The following NKAIN3 variants were observed in gnomAD, a reference collection of about 807,000 sequenced individuals.
NKAIN3 encodes the protein sodium/potassium transporting ATPase interacting 3.
A neutral mutation model predicts 30.2 loss-of-function variants in NKAIN3; 25 were observed. The observed-to-expected ratio is 0.83, with a 90% CI of 0.60 to 1.16. NKAIN3 has a LOEUF of 1.16. NKAIN3 is among the 50% of genes most tolerant of loss of function. The probability of loss-of-function intolerance (pLI) is 0.00; values close to 1 mark genes in which losing one functional copy is unlikely to be tolerated. For missense variants in NKAIN3, 225 were observed against 254.1 expected, an observed-to-expected ratio of 0.89 and a Z score of 0.78; for synonymous variants, 91 against 89.6, an observed-to-expected ratio of 1.02 and a Z score of -0.09.
chr8:62,842,426 TC>T (rs1819561716), intron 4 of NKAIN3, among the ~76,000 whole-genome samples: 1 of 152,048 alleles, frequency 6.6e-6, no homozygotes, highest in Non-Finnish European at 1.5e-5. Flanking sequence ...TTATTAAAAT[TC>T]CCATACTACA....
chr8:62,303,300 G>T (rs1814116578), intron 1 of NKAIN3, among the ~76,000 whole-genome samples: 1 of 150,442 alleles, frequency 6.6e-6, no homozygotes, highest in African/African-American at 2.5e-5. Context: ...TCCTAAGGTT[G>T]TCACATGGCT....
At chr8:62,991,834 G>A (rs1024570624) in intron 5 of NKAIN3, among the ~76,000 whole-genome samples, 9 of 152,032 alleles carry the variant, frequency 5.9e-5, no homozygotes, top group African/African-American at 2.2e-4. Context: ...TGTCTTTAAG[G>A]GACAAAGTGT....
chr8:62,527,509 T>C (rs541668032), intron 1 of NKAIN3, among the ~76,000 whole-genome samples: 6 of 152,238 alleles, frequency 3.9e-5, no homozygotes, highest in Admixed American at 3.3e-4. Context: ...TTTTTTAAAT[T>C]TGTGACTGTT....
Position 62,965,339 on chromosome 8 carries a change from T to C in NKAIN3, c.604-15T>C. ...CTTTGAAGTTCTTGAAAGCAATTCG[T>C]ATTTTCTGTTTTAGGTCGAAATAAG... On this transcript the variant is annotated splice_polypyrimidine_tract_variant and intron_variant, in intron 6 of 6. Transcript: ENST00000623646. 2.0e-6 allele frequency: 2 copies of C among 985,832 alleles called. No individual in the cohort carries two copies. Among genetic ancestry groups the C allele is most frequent in the Non-Finnish European group, 2.4e-6 (2 of 829,888 alleles). 61.1% of individuals were successfully genotyped at this position (985,832 alleles called of 1,614,324 possible).
At chr8:62,262,182 C>T (rs1314438579) in intron 1 of NKAIN3, among the ~76,000 whole-genome samples, 12 of 152,134 alleles carry the variant, frequency 7.9e-5, no homozygotes, top group Admixed American at 5.9e-4. Context: ...CTCTGGGACA[C>T]GGCTTTTTCT....
intron 3 of NKAIN3, 103 bp downstream of exon 3, chr8:62,589,897 G>GTGTA: frequency 2.0e-6 from 1 of 500,560 alleles, no homozygotes; most frequent in Admixed American, 3.3e-5. Flanking sequence ...GTGTGTGTGT[G>GTGTA]TGTGTGTGTG....
chr8:62,616,506 T>C lies in NKAIN3; in HGVS notation c.273+26712T>C, dbSNP rs1029882307. Among the ~76,000 whole-genome samples the C allele has an allele frequency of 2.6e-5, 4 of 152,300 alleles. No homozygotes were observed. The South Asian group carries it at 8.3e-4, about 32-fold the overall frequency. ...ACAAGATATGAGGGCGAGGTTTCCA[T>C]GCCCTCTTGCCAGTGTACCACGGGC... On this transcript the variant is annotated intron_variant, in intron 3 of 6. Coordinates refer to ENST00000623646, the MANE Select transcript of NKAIN3 (RefSeq NM_001304533.3).
chr8:62,906,921 T>A (rs1384739843), intron 4 of NKAIN3, among the ~76,000 whole-genome samples: 1 of 152,128 alleles, frequency 6.6e-6, no homozygotes, highest in Non-Finnish European at 1.5e-5. Flanking sequence ...CCCAAAGATG[T>A]ATAATCAACT....
At chr8:62,482,987 G>C (rs976622480) in intron 1 of NKAIN3, 12 of 152,124 alleles carry the variant, frequency 7.9e-5, no homozygotes, top group African/African-American at 2.7e-4. Flanking sequence ...CTCCCACACT[G>C]AGCAGTGCAG....
intron 4 of NKAIN3, chr8:62,862,961 G>A (rs1820299223): frequency 2.2e-6 from 1 of 448,908 alleles, no homozygotes; most frequent in Admixed American, 3.5e-5. Context: ...GTGTCTGTGT[G>A]TATGCATATA....
At chr8:62,805,738 C>A (rs371803388) in intron 4 of NKAIN3, among the ~76,000 whole-genome samples, 18 of 152,158 alleles carry the variant, frequency 1.2e-4, no homozygotes, top group South Asian at 2.1e-4. Context: ...GGACATAGGC[C>A]TGGGCAAGGA....
chr8:62,956,130 G>C (rs1823411408), intron 6 of NKAIN3, among the ~76,000 whole-genome samples: 1 of 152,164 alleles, frequency 6.6e-6, no homozygotes, highest in South Asian at 2.1e-4. Flanking sequence ...CATTTATCCA[G>C]TCTGCCTCTG....
At chr8:62,368,853 C>T (rs1170415399) in intron 1 of NKAIN3, among the ~76,000 whole-genome samples, 5 of 151,216 alleles carry the variant, frequency 3.3e-5, no homozygotes, top group African/African-American at 9.7e-5. Flanking sequence ...TGAATATGCA[C>T]GTGGCTTACT....
chr8:62,701,004 GC>G (rs1232799781), intron 3 of NKAIN3, among the ~76,000 whole-genome samples: 1 of 152,046 alleles, frequency 6.6e-6, no homozygotes, highest in Non-Finnish European at 1.5e-5. Context: ...ATTATACATA[GC>G]TAGTCTTTTC....
intron 2 of NKAIN3, among the ~76,000 whole-genome samples, chr8:62,586,735 A>G (rs1166840564): frequency 6.6e-6 from 1 of 152,086 alleles, no homozygotes; most frequent in African/African-American, 2.4e-5. Context: ...TTCCATTAAA[A>G]AATGCTGAAA....
chr8:62,859,098 G>A (rs138100302), intron 4 of NKAIN3, among the ~76,000 whole-genome samples: 59 of 152,296 alleles, frequency 3.9e-4, no homozygotes, highest in South Asian at 2.1e-4. Flanking sequence ...CTCCTGATCC[G>A]CAGGTTGCAA....
chr8:62,727,772 T>G (rs1327143933), intron 3 of NKAIN3, among the ~76,000 whole-genome samples: 1 of 152,198 alleles, frequency 6.6e-6, no homozygotes, highest in African/African-American at 2.4e-5. Flanking sequence ...CTTTCCCAAC[T>G]TAGTCTATAT....
At chr8:62,830,594 C>T (rs553198308) in intron 4 of NKAIN3, among the ~76,000 whole-genome samples, 17 of 152,076 alleles carry the variant, frequency 1.1e-4, no homozygotes, top group Non-Finnish European at 2.1e-4. Context: ...TTCTGAAAAC[C>T]TGTCAGAAAT....
downstream of NKAIN3, among the ~76,000 whole-genome samples, chr8:62,985,064 G>A (rs937641609): frequency 2.6e-5 from 4 of 152,156 alleles, no homozygotes; most frequent in African/African-American, 9.7e-5. Context: ...CATGACTATA[G>A]GAAACCTGGT....
Sources: allele counts gnomAD v4.1 joint callset (sites outside exome capture counted in the v4.1 genomes callset), GRCh38; gene constraint gnomAD v4.1.1; transcripts MANE v1.5; gene names NCBI Gene and HGNC (gene_info 2026-07-23, HGNC 2026-07-21).